DDX3X: variants seen among roughly 807,000 people sequenced by gnomAD.
DDX3X encodes DEAD-box helicase 3 X-linked, also known as ATP-dependent RNA helicase DDX3X.
In DDX3X, 4 loss-of-function variants were observed where a neutral mutation model predicts 52.7. That is an observed-to-expected ratio of 0.08 (90% CI 0.04 to 0.17). The LOEUF is 0.17. Among genes scored for constraint, DDX3X ranks in the 10% least tolerant of loss-of-function variants. The pLI, the probability that DDX3X is intolerant of heterozygous loss-of-function variation, is 1.00. For missense variants in DDX3X, 222 were observed against 548.6 expected, an observed-to-expected ratio of 0.40 and a Z score of 5.95; for synonymous variants, 192 against 178.1, an observed-to-expected ratio of 1.08 and a Z score of -0.62.
At chrX:41,359,947 A>G (rs933699796) in intron 5 of DDX3X, among the ~76,000 whole-genome samples, 3 of 109,411 alleles carry the variant, frequency 2.7e-5, no homozygotes, top group Middle Eastern at 4.3e-3. Flanking sequence ...GCGCCACTGC[A>G]CTCCAGCCTG....
At chrX:41,340,041 T>TG (rs2063827774) in intron 3 of DDX3X, 1 of 108,949 alleles carries the variant, frequency 9.2e-6, no homozygotes, top group Non-Finnish European at 1.9e-5. Flanking sequence ...CCCAAGTAGC[T>TG]GGGATCACAG....
chrX:41,341,456 A>T (rs755522865), intron 3 of DDX3X, 28 bp from the exon 4 acceptor site: 8 of 1,152,016 alleles, frequency 6.9e-6, no homozygotes, highest in Non-Finnish European at 8.2e-6. Flanking sequence ...ATTAATAATA[A>T]AATGTATTTG....
chrX:41,350,907 TTCAG>T (rs2063980124), downstream of DDX3X: 1 of 112,177 alleles, frequency 8.9e-6, no homozygotes, highest in African/African-American at 3.2e-5. Context: ...CAGCTTTTGT[TTCAG>T]TAAGTTGAAG....
In DDX3X at chrX:41,343,420, T is replaced by C. The variant is rs1024775881; in HGVS notation, c.679+69T>C. The C allele has an allele frequency of 1.7e-5, 17 of 1,017,535 alleles. No homozygotes were observed. In the African/African-American group the frequency reaches 3.3e-4, roughly 20 times the overall value. 83.9% of individuals were successfully genotyped at this position (1,017,535 alleles called of 1,213,427 possible). A position where few individuals can be genotyped will look rare whatever the true frequency, so the allele number is the denominator to read the frequency against. ...AAGGACTAGACAATAAAATATTTTA[T>C]TTTTTATGGGTCATGCAGTTTTGCA... On this transcript the variant is annotated intron_variant, in intron 7 of 16. Transcript: ENST00000644876.
chrX:41,357,603 T>C (rs1293337019), intron 5 of DDX3X, among the ~76,000 whole-genome samples: 1 of 111,200 alleles, frequency 9.0e-6, no homozygotes, highest in East Asian at 2.8e-4. Flanking sequence ...CTAATTTTTG[T>C]ATTTTTATTT....
intron 1 of DDX3X, chrX:41,334,581 G>A (rs1218251370): frequency 9.2e-7 from 1 of 1,083,951 alleles, no homozygotes; most frequent in African/African-American, 1.8e-5. Context: ...GCGCGCTCTC[G>A]CGGGGACGCG....
downstream of DDX3X, among the ~76,000 whole-genome samples, chrX:41,353,295 T>TAC (rs2063996267): frequency 5.3e-5 from 1 of 18,868 alleles, no homozygotes; most frequent in African/African-American, 1.9e-4. Context: ...CTACTAAAAA[T>TAC]ACAAAAAAAA....
intron 5 of DDX3X, among the ~76,000 whole-genome samples, chrX:41,363,675 C>T (rs1408254662): frequency 3.6e-5 from 4 of 109,653 alleles, no homozygotes; most frequent in Non-Finnish European, 7.6e-5. Context: ...CCCAGCTACT[C>T]GGAAGGCTGA....
chrX:41,352,256 T>C (rs970825713), downstream of DDX3X, among the ~76,000 whole-genome samples: 2 of 112,119 alleles, frequency 1.8e-5, no homozygotes, highest in African/African-American at 6.5e-5. Flanking sequence ...TTTCTGTAGA[T>C]GTATATCCAG....
rs1385128223 is a variant in DDX3X at position 41,347,646 on chromosome X, A to G, written c.1916A>G (p.Tyr639Cys). Reference sequence around the variant, plus strand: ...TTTTTAAATCTCTCATTAGGTGGCTATGGAGGCTTTTACAACAGTGATGGA... The same window carrying G: ...TTTTTAAATCTCTCATTAGGTGGCTGTGGAGGCTTTTACAACAGTGATGGA... ...GSSRGFGGGGYGGFYNSDGYG... is the reference protein window; with the variant it reads ...GSSRGFGGGGCGGFYNSDGYG... The change falls in exon 17 of 17, where the codon TAT becomes TGT. Residue 639 changes from tyrosine (Y) to cysteine (C), a missense_variant. Tyr to Cys is a radical substitution (Grantham distance 194, BLOSUM62 -2). Transcript: ENST00000644876. The G allele has an allele frequency of 5.0e-6, 6 of 1,193,233 alleles. No individual in the cohort carries two copies. Among genetic ancestry groups the G allele is most frequent in the Non-Finnish European group, 6.8e-6 (6 of 882,274 alleles).
At chrX:41,343,571 G>C (rs1410354196) in intron 7 of DDX3X, 166 bp from the exon 8 acceptor site, 1 of 536,146 alleles carries the variant, frequency 1.9e-6, no homozygotes, top group East Asian at 3.8e-5. Context: ...AATAGTCTCA[G>C]TTTGCTGACT....
chrX:41,356,454 CTTTTTT>C (rs760583439), intron 5 of DDX3X, among the ~76,000 whole-genome samples: 3 of 65,683 alleles, frequency 4.6e-5, no homozygotes, highest in African/African-American at 6.9e-5. Flanking sequence ...GCCAGTATTT[CTTTTTT>C]TTTTTTTTTT....
chrX:41,350,515 C>G (rs2063975613), downstream of DDX3X: 1 of 111,448 alleles, frequency 9.0e-6, no homozygotes, highest in Non-Finnish European at 1.9e-5. Context: ...TCTCTTTGTT[C>G]TTTGAAGTAT....
intron 5 of DDX3X, among the ~76,000 whole-genome samples, chrX:41,362,715 GA>G (rs1307661006): frequency 8.9e-6 from 1 of 112,115 alleles, no homozygotes; most frequent in Non-Finnish European, 1.9e-5. Context: ...TCCGTCCCCT[GA>G]CAGGGCTCTG....
chrX:41,363,825 G>A (rs1369583468), intron 5 of DDX3X, among the ~76,000 whole-genome samples: 1 of 110,837 alleles, frequency 9.0e-6, no homozygotes, highest in African/African-American at 3.3e-5. Flanking sequence ...AAACCCTGCC[G>A]CAATCCTTCC....
Position 41,339,548 on chromosome X carries a change from C to T in DDX3X, c.151+465C>T, listed in dbSNP as rs182135355. The T allele has an allele frequency of 5.3e-5, 6 of 112,623 alleles. No individual in the cohort carries two copies. The Admixed American group carries it at 5.7e-4, about 11-fold the overall frequency. 9.3% of individuals were successfully genotyped at this position (112,623 alleles called of 1,213,427 possible). ...CTGGTTTCATCTCCTTGCCTTGCTG[C>T]TTTTGAAAGGTTTTGTCCAAAATGT... On this transcript the variant is annotated intron_variant, in intron 3 of 16. Transcript: ENST00000644876.
chrX:41,343,913 T>C, intron 8 of DDX3X, 91 bp downstream of exon 8: 1 of 1,006,337 alleles, frequency 9.9e-7, no homozygotes. Context: ...TTAAGTAGAA[T>C]GAAAACCAGT....
chrX:41,359,874 C>T (rs1188220972), intron 5 of DDX3X, among the ~76,000 whole-genome samples: 16 of 106,915 alleles, frequency 1.5e-4, no homozygotes, highest in African/African-American at 4.1e-4. Context: ...CCCAGCTACT[C>T]GGGAGGCTGA....
At chrX:41,337,557 T>C in intron 2 of DDX3X, 92 bp downstream of exon 2, 1 of 741,834 alleles carries the variant, frequency 1.3e-6, no homozygotes, top group Non-Finnish European at 2.0e-6. Context: ...AATTTGCCTT[T>C]CAATTTTTTA....
Sources: allele counts gnomAD v4.1 joint callset (sites outside exome capture counted in the v4.1 genomes callset), GRCh38; gene constraint gnomAD v4.1.1; transcripts MANE v1.5; gene names NCBI Gene and HGNC (gene_info 2026-07-23, HGNC 2026-07-21).